Variants in LRRC37B observed in about 807,000 individuals in gnomAD.
The protein encoded by LRRC37B is leucine rich repeat containing 37B.
A neutral mutation model predicts 98.3 loss-of-function variants in LRRC37B; 28 were observed. The ratio of observed to expected loss-of-function variants is 0.28; its 90% CI spans 0.21 to 0.39. LRRC37B has a LOEUF of 0.39. LRRC37B is among the 10% of genes least tolerant of loss of function. The pLI is 1.00. For missense variants in LRRC37B, 938 were observed against 1,182.7 expected (o/e 0.79, Z 3.03); for synonymous variants, 364 against 442.7 (o/e 0.82, Z 2.23).
intron 7 of LRRC37B, among the ~76,000 whole-genome samples, chr17:32,037,129 C>T (rs1376309399): frequency 5.3e-5 from 8 of 151,470 alleles, no homozygotes; most frequent in Non-Finnish European, 1.2e-4. Context: ...TGTAGGCACC[C>T]GCCACCACAC....
exon 7 of LRRC37B, chr17:32,035,638 C>G (rs776780320): frequency 1.8e-5 from 29 of 1,605,202 alleles, no homozygotes; most frequent in Non-Finnish European, 2.2e-5. Flanking sequence ...ACTGGAAAAA[C>G]TGTAAGTTAT....
upstream of LRRC37B, among the ~76,000 whole-genome samples, chr17:32,018,314 C>T (rs186182957): frequency 4.3e-4 from 66 of 152,204 alleles, no homozygotes; most frequent in Middle Eastern, 3.4e-3. Context: ...GCGACAAGAG[C>T]GAAACTCCAT....
intron 11 of LRRC37B, chr17:32,052,601 G>C (rs1439750139): frequency 1.3e-5 from 2 of 152,170 alleles, no homozygotes; most frequent in Non-Finnish European, 2.9e-5. Context: ...TTTGAAGAAA[G>C]AAACAATAAA....
chr17:32,039,530 ATTTT>A (rs1314291553), intron 7 of LRRC37B, among the ~76,000 whole-genome samples: 51 of 93,074 alleles, frequency 5.5e-4, no homozygotes, highest in African/African-American at 1.3e-3. Flanking sequence ...ATATGTATGT[ATTTT>A]TATATATATT....
chr17:32,023,455 T>C (rs981779539), intron 1 of LRRC37B, among the ~76,000 whole-genome samples: 2 of 152,186 alleles, frequency 1.3e-5, no homozygotes, highest in African/African-American at 4.8e-5. Flanking sequence ...CCTGTCACTC[T>C]CCCAATCTCA....
exon 1 of LRRC37B, chr17:32,021,880 C>T (rs748752726): frequency 2.5e-6 from 4 of 1,614,058 alleles, no homozygotes; most frequent in Non-Finnish European, 2.5e-6. Context: ...CGGGTGAACG[C>T]AGATGAGCCT....
chr17:32,031,329 A>C lies in LRRC37B; in HGVS notation c.1977-49A>C, dbSNP rs1911100715. 3.2e-6 allele frequency: 5 copies of C among 1,586,610 alleles called. No individual in the cohort carries two copies. In the South Asian group the frequency reaches 5.8e-5, roughly 18 times the overall value. Reference sequence around the variant, plus strand: ...AAATTAGACTCACAGCAAATGATAAATGTTCTGAAATAATTTTTTTTTCCT... The same window carrying C: ...AAATTAGACTCACAGCAAATGATAACTGTTCTGAAATAATTTTTTTTTCCT... On this transcript the variant is annotated intron_variant, in intron 4 of 11. Transcript: ENST00000327564.
chr17:32,033,926 T>C (rs1199251136), intron 5 of LRRC37B: 1 of 152,192 alleles, frequency 6.6e-6, no homozygotes, highest in African/African-American at 2.4e-5. Context: ...TCAGACATCA[T>C]ACCAGGCACA....
chr17:32,021,393 A>T, exon 1 of LRRC37B: 1 of 1,613,808 alleles, frequency 6.2e-7, no homozygotes, highest in Non-Finnish European at 8.5e-7. Flanking sequence ...TTCTTCGCAG[A>T]TGTCAGCCCT....
chr17:32,025,142 T>G (rs1910918369), intron 2 of LRRC37B, among the ~76,000 whole-genome samples: 2 of 133,870 alleles, frequency 1.5e-5, no homozygotes, highest in African/African-American at 5.5e-5. Context: ...GCACAAGTGA[T>G]CCTCCCATCT....
At chr17:32,032,962 G>A (rs545810575) in intron 5 of LRRC37B, among the ~76,000 whole-genome samples, 7 of 152,226 alleles carry the variant, frequency 4.6e-5, no homozygotes, top group Non-Finnish European at 8.8e-5. Flanking sequence ...TCAGGAGTTC[G>A]AGACAAGCCT....
In LRRC37B at chr17:32,049,322, G is replaced by A. The variant is rs142181710; in HGVS notation, c.2685G>A (p.Thr895=). Residue 895 remains threonine (T), a synonymous_variant, in exon 10 of 12, where the codon ACG becomes ACA. Transcript: ENST00000327564. ...AGGCATTGAATGTAGAATGGGATAC[G>A]GACCAACAAAAAACAAATTATATTA... 7,649 of 1,613,342 alleles carry A rather than the reference G, an allele frequency of 4.7e-3. 390 individuals carry two copies. The Admixed American group carries it at 0.096, about 20-fold the overall frequency.
intron 1 of LRRC37B, among the ~76,000 whole-genome samples, chr17:32,015,135 A>G (rs371345530): frequency 3.3e-5 from 5 of 152,192 alleles, no homozygotes; most frequent in African/African-American, 9.7e-5. Context: ...CTCAAAAAAA[A>G]GAAAGCACCT....
At position 32,008,063 on chromosome 17, in the gene LRRC37B, C is replaced by G. The variant is rs753527087; in HGVS notation, c.-260C>G. 5.9e-6 allele frequency: 3 copies of G among 507,744 alleles called. No individual in the cohort carries two copies. The highest frequency in any genetic ancestry group is 1.1e-5 in the Non-Finnish European group (3 of 261,834). 31.5% of individuals were successfully genotyped at this position (507,744 alleles called of 1,614,324 possible). A position where few individuals can be genotyped will look rare whatever the true frequency, so the allele number is the denominator to read the frequency against. ...GGAGGACGACGATGACTCCGATTAT[C>G]CGGAGGAGCTGGAAGATGACGACGA... On this transcript the variant is annotated 5_prime_UTR_variant, in exon 1 of 15. It adds an upstream start codon to the 5' untranslated region. Transcript: ENST00000543378.
chr17:32,015,489 C>T (rs1371494395), intron 1 of LRRC37B, among the ~76,000 whole-genome samples: 1 of 152,126 alleles, frequency 6.6e-6, no homozygotes. Flanking sequence ...AGTGAGGCCT[C>T]TTTTCTCAGA....
At chr17:32,037,237 T>C (rs1911273733) in intron 7 of LRRC37B, among the ~76,000 whole-genome samples, 1 of 152,006 alleles carries the variant, frequency 6.6e-6, no homozygotes, top group Non-Finnish European at 1.5e-5. Flanking sequence ...CCCCCTGGCC[T>C]CCCAAAGTGC....
intron 5 of LRRC37B, among the ~76,000 whole-genome samples, chr17:32,032,353 T>A (rs1426595727): frequency 3.9e-5 from 6 of 152,118 alleles, no homozygotes; most frequent in Non-Finnish European, 1.5e-5. Context: ...AAATGGTGTT[T>A]ATGTTAAGCT....
intron 7 of LRRC37B, chr17:32,036,315 A>G (rs970580273): frequency 3.9e-5 from 6 of 152,104 alleles, no homozygotes; most frequent in African/African-American, 1.4e-4. Flanking sequence ...ATTTTTTTTG[A>G]GATTATGCTA....
exon 1 of LRRC37B, chr17:32,022,587 C>T (rs758016203): frequency 1.2e-6 from 2 of 1,614,032 alleles, no homozygotes; most frequent in Non-Finnish European, 1.7e-6. Context: ...GGTTCAGACT[C>T]TGCATCGAAG....
Sources: allele counts gnomAD v4.1 joint callset (sites outside exome capture counted in the v4.1 genomes callset), GRCh38; gene constraint gnomAD v4.1.1; transcripts MANE v1.5; gene names NCBI Gene and HGNC (gene_info 2026-07-23, HGNC 2026-07-21).